ZNF536: variants seen among roughly 807,000 people sequenced by gnomAD.
The protein encoded by ZNF536 is zinc finger protein 536.
In ZNF536, 13 loss-of-function variants were observed where a neutral mutation model predicts 84.5. The ratio of observed to expected loss-of-function variants is 0.15; its 90% CI spans 0.10 to 0.24. The LOEUF is 0.24. Ranked by LOEUF, ZNF536 falls within the 10% of genes least tolerant of loss-of-function variation. The pLI, the probability that ZNF536 is intolerant of heterozygous loss-of-function variation, is 1.00. For missense variants in ZNF536, 1,536 were observed against 1,747.5 expected (o/e 0.88, Z 2.16); for synonymous variants, 811 against 742.5 (o/e 1.09, Z -1.50).
intron 1 of ZNF536, among the ~76,000 whole-genome samples, chr19:30,429,202 G>C (rs2051342518): frequency 1.3e-5 from 2 of 152,132 alleles, no homozygotes; most frequent in Admixed American, 1.3e-4. Context: ...GCTGGGGAGA[G>C]GAGTCATTAA....
chr19:30,545,106 G>A (rs1187402624), intron 3 of ZNF536, among the ~76,000 whole-genome samples: 1 of 152,202 alleles, frequency 6.6e-6, no homozygotes, highest in Non-Finnish European at 1.5e-5. Flanking sequence ...CCGAAACCAA[G>A]TTTGCATCTT....
At chr19:30,648,545 C>T (rs1350002797) in intron 1 of ZNF536, among the ~76,000 whole-genome samples, 2 of 152,158 alleles carry the variant, frequency 1.3e-5, no homozygotes, top group Non-Finnish European at 2.9e-5. Context: ...CAGCAACTTC[C>T]CCGGATCAAG....
At chr19:30,300,830 TTATAGTAC>T (rs2046156851) in intron 2 of ZNF536, among the ~76,000 whole-genome samples, 1 of 151,488 alleles carries the variant, frequency 6.6e-6, no homozygotes, top group Admixed American at 6.6e-5. Context: ...GACCCAGCGC[TTATAGTAC>T]TCTTCGACGC....
At chr19:30,527,913 G>T (rs2044656362) in intron 2 of ZNF536, among the ~76,000 whole-genome samples, 2 of 152,078 alleles carry the variant, frequency 1.3e-5, no homozygotes, top group South Asian at 4.2e-4. Flanking sequence ...TGATTTTTTT[G>T]TTGTTGTTGT....
intron 1 of ZNF536, among the ~76,000 whole-genome samples, chr19:30,707,829 G>A (rs1017978740): frequency 6.6e-6 from 1 of 151,888 alleles, no homozygotes; most frequent in Non-Finnish European, 1.5e-5. Flanking sequence ...GGCCAACATG[G>A]AGAAACCCCA....
intron 1 of ZNF536, among the ~76,000 whole-genome samples, chr19:30,283,595 G>C (rs1465871115): frequency 1.3e-5 from 2 of 152,140 alleles, no homozygotes; most frequent in African/African-American, 4.8e-5. Flanking sequence ...CTACCAAACA[G>C]GTTTGGCCAG....
chr19:30,272,659 C>T (rs1336921091), intron 1 of ZNF536, among the ~76,000 whole-genome samples: 7 of 152,152 alleles, frequency 4.6e-5, no homozygotes, highest in Admixed American at 3.3e-4. Context: ...TATTTGGATT[C>T]GTATGACATG....
intron 1 of ZNF536, among the ~76,000 whole-genome samples, chr19:30,695,849 C>G (rs2051635251): frequency 6.6e-6 from 1 of 152,132 alleles, no homozygotes; most frequent in South Asian, 2.1e-4. Context: ...CTGTCACCAT[C>G]TCTGCTAAAT....
intron 1 of ZNF536, among the ~76,000 whole-genome samples, chr19:30,389,350 C>A (rs2049482901): frequency 6.6e-6 from 1 of 152,044 alleles, no homozygotes; most frequent in African/African-American, 2.4e-5. Flanking sequence ...ATCTTAGTGC[C>A]CTTGAAAAAT....
upstream of ZNF536, among the ~76,000 whole-genome samples, chr19:30,227,180 G>GC (rs1197463068): frequency 1.3e-5 from 2 of 152,168 alleles, no homozygotes; most frequent in Non-Finnish European, 2.9e-5. Flanking sequence ...AAAGGGCTGG[G>GC]CAGAGAGAGA....
At chr19:30,551,061 T>G (rs912233004) in intron 4 of ZNF536, among the ~76,000 whole-genome samples, 28 of 152,012 alleles carry the variant, frequency 1.8e-4, no homozygotes, top group African/African-American at 6.0e-4. Context: ...TTGAAGGCTT[T>G]TTTTTCTTTT....
In ZNF536 at chr19:30,450,496, A is replaced by AC. The variant is rs201561590; in HGVS notation, c.2170+4770dup. The stretch of plus-strand genomic sequence containing the variant: ...AGGGAATTAAAAAGGACTTGGGGAG[A>AC]CCCCCCTGGGCATGGTGGCAGCTAA... On this transcript the variant is annotated intron_variant, in intron 2 of 4. Coordinates refer to ENST00000355537, the MANE Select transcript of ZNF536 (RefSeq NM_014717.3). 4.6e-3 allele frequency among the ~76,000 whole-genome samples: 702 copies of AC among 152,094 alleles called. 11 individuals are homozygous for AC. The highest frequency in any genetic ancestry group is 0.016 in the African/African-American group (671 of 41,498).
chr19:30,595,471 A>G (rs1042976716), intron 1 of ZNF536, among the ~76,000 whole-genome samples: 3 of 151,882 alleles, frequency 2.0e-5, no homozygotes, highest in African/African-American at 7.3e-5. Context: ...ATTTTTTTGT[A>G]GATATGGGGT....
intron 1 of ZNF536, among the ~76,000 whole-genome samples, chr19:30,420,339 G>T (rs770598076): frequency 6.6e-6 from 1 of 152,124 alleles, no homozygotes; most frequent in Non-Finnish European, 1.5e-5. Context: ...CTTATACCCC[G>T]ATCCGCAGTG....
At chr19:30,572,805 G>A (rs2046597967) in intron 1 of ZNF536, among the ~76,000 whole-genome samples, 1 of 152,212 alleles carries the variant, frequency 6.6e-6, no homozygotes, top group Non-Finnish European at 1.5e-5. Flanking sequence ...CCAGAGGGCA[G>A]GGAAGGCCTC....
intron 1 of ZNF536, among the ~76,000 whole-genome samples, chr19:30,628,820 T>A (rs987442685): frequency 6.6e-6 from 1 of 152,088 alleles, no homozygotes; most frequent in African/African-American, 2.4e-5. Context: ...TTCTCCTGCC[T>A]CAGCCTCCGC....
chr19:30,614,345 T>C (rs1473586171), intron 1 of ZNF536, among the ~76,000 whole-genome samples: 1 of 152,026 alleles, frequency 6.6e-6, no homozygotes, highest in Non-Finnish European at 1.5e-5. Context: ...TACTATAATT[T>C]ACTTAACCAT....
At chr19:30,632,211 A>G (rs763777255) in intron 1 of ZNF536, among the ~76,000 whole-genome samples, 4 of 152,164 alleles carry the variant, frequency 2.6e-5, no homozygotes, top group Non-Finnish European at 4.4e-5. Context: ...GTGATGTCCT[A>G]CTATGTGCTG....
chr19:30,335,952 T>TA (rs952384318), intron 2 of ZNF536, among the ~76,000 whole-genome samples: 2 of 152,050 alleles, frequency 1.3e-5, no homozygotes, highest in African/African-American at 2.4e-5. Flanking sequence ...AAATGAATAG[T>TA]AACCTCCCAT....
Sources: gnomAD v4.1 joint callset for allele counts (sites outside exome capture counted in the v4.1 genomes callset) on GRCh38, gnomAD v4.1.1 for gene constraint, MANE v1.5 for transcripts, NCBI Gene and HGNC (gene_info 2026-07-23, HGNC 2026-07-21) for gene names.